The following UBAP2L variants were observed in gnomAD, a reference collection of about 807,000 sequenced individuals.
UBAP2L encodes ubiquitin-associated protein 2-like.
UBAP2L carries 12 observed loss-of-function variants against 130.6 expected under a neutral mutation model. That is an observed-to-expected ratio of 0.09 (90% CI 0.06 to 0.15). UBAP2L has a LOEUF of 0.15. Ranked by LOEUF, UBAP2L falls within the 10% of genes least tolerant of loss-of-function variation. UBAP2L has a pLI of 1.00. For missense variants in UBAP2L, 965 were observed against 1,332.5 expected (o/e 0.72, Z 4.29); for synonymous variants, 503 against 524.7 (o/e 0.96, Z 0.57).
upstream of UBAP2L, chr1:154,220,390 G>A (rs1270584250): frequency 3.7e-6 from 6 of 1,614,120 alleles, no homozygotes; most frequent in Non-Finnish European, 4.2e-6. Flanking sequence ...CGGAGAGCCA[G>A]TTACTGCCGG....
In UBAP2L at chr1:154,257,044, A is replaced by T. The variant is rs1322690106; in HGVS notation, c.2158-19A>T. Reference sequence around the variant, plus strand: ...GATCTCTTTTCTTCTTCTCTCTTCCACTGCTCCCCCTTTTGAAGCACACAA... The same window carrying T: ...GATCTCTTTTCTTCTTCTCTCTTCCTCTGCTCCCCCTTTTGAAGCACACAA... On this transcript the variant is annotated intron_variant, in intron 18 of 26. Transcript: ENST00000428931. 1 of 1,607,728 alleles carries T rather than the reference A, an allele frequency of 6.2e-7. No homozygotes were observed. Among genetic ancestry groups the T allele is most frequent in the Non-Finnish European group, 8.5e-7 (1 of 1,177,156 alleles).
intron 4 of UBAP2L, among the ~76,000 whole-genome samples, chr1:154,234,041 ATGGCTGG>A (rs1670809709): frequency 6.6e-6 from 1 of 151,976 alleles, no homozygotes; most frequent in Non-Finnish European, 1.5e-5. Context: ...AAAAGACTTT[ATGGCTGG>A]GCTTGGTGGC....
chr1:154,259,757 C>A, intron 21 of UBAP2L, 191 bp from the exon 22 acceptor site: 1 of 748,882 alleles, frequency 1.3e-6, no homozygotes, highest in Non-Finnish European at 2.4e-6. Context: ...TCTGACTGTG[C>A]TCATGGCCAG....
At chr1:154,240,793 A>G (rs1673269101) in intron 8 of UBAP2L, among the ~76,000 whole-genome samples, 2 of 151,238 alleles carry the variant, frequency 1.3e-5, no homozygotes, top group Admixed American at 1.3e-4. Flanking sequence ...TGCCTACAGT[A>G]TTTTTTGTCT....
Position 154,249,322 on chromosome 1 carries a change from C to G in UBAP2L, c.1098C>G (p.Phe366Leu). Reference sequence around the variant, plus strand: ...CAGGCTCCCAGTTCTTGGAGCAATTCAAGACTGCCCAAGCCCTGGCTCAGT... The same window carrying G: ...CAGGCTCCCAGTTCTTGGAGCAATTGAAGACTGCCCAAGCCCTGGCTCAGT... ...STTGSQFLEQ[F>L]KTAQALAQLA... is the part of the protein sequence containing the mutation. Residue 366 changes from phenylalanine to leucine, a missense_variant, in exon 12 of 27, where the codon TTC becomes TTG. Around this residue, in one of 9 missense-constraint regions of UBAP2L, gnomAD observed 19 missense variants for 59.1 expected, o/e 0.32. Transcript: ENST00000428931. 1 of 1,614,182 alleles carries G rather than the reference C, an allele frequency of 6.2e-7. No homozygotes were observed. Among genetic ancestry groups the G allele is most frequent in the East Asian group, 2.2e-5 (1 of 44,876 alleles).
At chr1:154,229,303 G>A (rs189723581) in intron 4 of UBAP2L, among the ~76,000 whole-genome samples, 37 of 152,016 alleles carry the variant, frequency 2.4e-4, no homozygotes, top group Non-Finnish European at 4.1e-4. Flanking sequence ...CTCTTGCCCT[G>A]GAATTTAGAC....
In UBAP2L at chr1:154,270,341, C is replaced by T. The variant is rs754745944; in HGVS notation, c.*46C>T. 6.2e-7 allele frequency: 1 copy of T among 1,612,774 alleles called. No individual in the cohort carries two copies. The highest frequency in any genetic ancestry group is 8.5e-7 in the Non-Finnish European group (1 of 1,179,656). On this transcript the variant is annotated 3_prime_UTR_variant, in exon 27 of 27. Coordinates refer to ENST00000428931, the MANE Select transcript of UBAP2L (RefSeq NM_014847.4). Reference sequence around the variant, plus strand: ...GGTCCCATCTTCTGAGAGGGCTTCTCAGCCTGGAAACTATGGAAACAGCAT... The same window carrying T: ...GGTCCCATCTTCTGAGAGGGCTTCTTAGCCTGGAAACTATGGAAACAGCAT...
intron 1 of UBAP2L, among the ~76,000 whole-genome samples, chr1:154,221,776 C>T (rs1340868883): frequency 4.6e-5 from 7 of 152,206 alleles, no homozygotes. Flanking sequence ...TTGCTGCTGT[C>T]TTTAGCTTCC....
At chr1:154,256,752 C>G (rs1338332078) in intron 18 of UBAP2L, among the ~76,000 whole-genome samples, 1 of 152,226 alleles carries the variant, frequency 6.6e-6, no homozygotes, top group Non-Finnish European at 1.5e-5. Context: ...TCTCAACTCT[C>G]TCTGTTCCTT....
At chr1:154,223,922 A>G (rs1667138453) in intron 1 of UBAP2L, among the ~76,000 whole-genome samples, 1 of 152,192 alleles carries the variant, frequency 6.6e-6, no homozygotes, top group African/African-American at 2.4e-5. Context: ...AACAAGAAAA[A>G]TTAAATATAG....
Position 154,249,248 on chromosome 1 carries a change from T to G in UBAP2L, c.1024T>G (p.Leu342Val), listed in dbSNP as rs1209413226. 6.2e-7 allele frequency: 1 copy of G among 1,614,060 alleles called. No homozygotes were observed. The highest frequency in any genetic ancestry group is 8.5e-7 in the Non-Finnish European group (1 of 1,179,996). Residue 342 changes from leucine to valine, a missense_variant, in exon 12 of 27, where the codon TTA becomes GTA. Physicochemically the swap from Leu to Val is conservative, Grantham distance 32. Coordinates refer to ENST00000428931, the MANE Select transcript of UBAP2L (RefSeq NM_014847.4). ...TFSHHSMVSM[L>V]GKGFGDVGEA... ...CTTTGTTGATCTACAGGTGAGCATGTTAGGGAAAGGATTTGGTGATGTCGG... is the reference window on the plus strand; with the variant it reads ...CTTTGTTGATCTACAGGTGAGCATGGTAGGGAAAGGATTTGGTGATGTCGG...
chr1:154,220,181 C>A (rs1665403505), upstream of UBAP2L: 1 of 940,490 alleles, frequency 1.1e-6, no homozygotes, highest in South Asian at 1.5e-5. Flanking sequence ...CGGGTCGGCC[C>A]GACTAAGTGA....
intron 11 of UBAP2L, among the ~76,000 whole-genome samples, chr1:154,246,770 T>C (rs1302068933): frequency 1.3e-5 from 2 of 152,198 alleles, no homozygotes; most frequent in Non-Finnish European, 2.9e-5. Context: ...TTGTCTTGTA[T>C]ATTTACTTAA....
intron 18 of UBAP2L, 67 bp downstream of exon 18, chr1:154,255,822 C>A: frequency 1.3e-6 from 2 of 1,554,518 alleles, no homozygotes; most frequent in South Asian, 1.1e-5. Flanking sequence ...GTAAGATTGT[C>A]CCAAGAGAGA....
intron 26 of UBAP2L, chr1:154,269,634 T>C (rs1243425698): frequency 2.9e-6 from 1 of 346,540 alleles, no homozygotes; most frequent in Non-Finnish European, 5.7e-6. Flanking sequence ...AACATTCGGT[T>C]ACCAGAATGG....
At chr1:154,262,609 C>CTGGG (rs1263336679) in intron 24 of UBAP2L, among the ~76,000 whole-genome samples, 1 of 152,100 alleles carries the variant, frequency 6.6e-6, no homozygotes, top group Non-Finnish European at 1.5e-5. Context: ...TATGTGGGCT[C>CTGGG]TGGGTGGGTC....
intron 25 of UBAP2L, among the ~76,000 whole-genome samples, chr1:154,268,514 G>A (rs1684021806): frequency 6.6e-6 from 1 of 152,168 alleles, no homozygotes; most frequent in African/African-American, 2.4e-5. Context: ...CAACAGGTTT[G>A]TAGCATCCCT....
chr1:154,239,253 T>C (rs1672697781), intron 8 of UBAP2L, among the ~76,000 whole-genome samples: 1 of 152,138 alleles, frequency 6.6e-6, no homozygotes, highest in South Asian at 2.1e-4. Context: ...TTCTTTTTTT[T>C]TTGTTTCAGG....
intron 8 of UBAP2L, among the ~76,000 whole-genome samples, chr1:154,240,664 G>A (rs1056448928): frequency 1.3e-5 from 2 of 152,092 alleles, no homozygotes; most frequent in African/African-American, 4.8e-5. Context: ...TCTCATAGCA[G>A]ATAGTTTTCA....
Sources: allele counts gnomAD v4.1 joint callset (sites outside exome capture counted in the v4.1 genomes callset), GRCh38; gene constraint gnomAD v4.1.1; regional missense constraint gnomAD v4.1.1; transcripts MANE v1.5; gene names NCBI Gene and HGNC (gene_info 2026-07-23, HGNC 2026-07-21).